The following SLC12A4 variants were observed in gnomAD, a reference collection of about 807,000 sequenced individuals.
SLC12A4 encodes the protein solute carrier family 12 member 4.
In SLC12A4, 84 loss-of-function variants were observed where a neutral mutation model predicts 119.2. The observed-to-expected ratio is 0.70, with a 90% CI of 0.59 to 0.85. The LOEUF is 0.85. Ranked by LOEUF, SLC12A4 falls within the 40% of genes least tolerant of loss-of-function variation. The pLI is 0.00. For synonymous variants in SLC12A4, 599 were observed against 604.6 expected, an observed-to-expected ratio of 0.99 and a Z score of 0.14; for missense variants, 1,298 against 1,476.3, an observed-to-expected ratio of 0.88 and a Z score of 1.98.
rs780438132 is a variant in SLC12A4, at chr16:67,944,838, G to C, written c.*2C>G. The C allele has an allele frequency of 9.9e-6, 16 of 1,612,838 alleles. No homozygotes were observed. Among genetic ancestry groups the C allele is most frequent in the Non-Finnish European group, 1.4e-5 (16 of 1,179,946 alleles). ...ACTCCAGGCCACAAGATGACACTGG[G>C]CTCAGGAGTAGATGGTGATGACTTC... On this transcript the variant is annotated 3_prime_UTR_variant, in exon 24 of 24. Coordinates refer to ENST00000316341, the MANE Select transcript of SLC12A4 (RefSeq NM_005072.5). The surrounding 1 kb of genome is among the most constrained non-coding windows in gnomAD (Gnocchi z 6.6).
intron 5 of SLC12A4, among the ~76,000 whole-genome samples, chr16:67,955,932 T>G (rs1346826028): frequency 6.6e-6 from 1 of 151,300 alleles, no homozygotes; most frequent in African/African-American, 2.4e-5. Context: ...ATCCCAGCAC[T>G]TTGGGAGGCT....
At position 67,952,299 on chromosome 16, in the gene SLC12A4, C is replaced by T; in HGVS notation, c.802G>A (p.Val268Met). ...AATTTGTTCACATACTTGACCCCCA[C>T]AAACACCACCAGGGTCATGAAGGTC... ...FLTFMTLVVF[V>M]GVKYVNKFAS... Residue 268 changes from valine (V) to methionine (M), a missense_variant, in exon 7 of 24, where the codon GTG (valine) becomes ATG (methionine). Physicochemically the swap from Val to Met is conservative, Grantham distance 21. Transcript: ENST00000316341. 1 of 1,614,134 alleles carries T rather than the reference C, an allele frequency of 6.2e-7. No homozygotes were observed. Among genetic ancestry groups the T allele is most frequent in the Non-Finnish European group, 8.5e-7 (1 of 1,180,034 alleles).
Position 67,968,561 on chromosome 16 carries a change from G to T in SLC12A4, c.-8C>A. 2 of 1,501,088 alleles carry T rather than the reference G, an allele frequency of 1.3e-6. No individual in the cohort carries two copies. The highest frequency in any genetic ancestry group is 8.9e-7 in the Non-Finnish European group (1 of 1,129,590). The allele number at this position is 1,501,088 out of a possible 1,614,324, so 93.0% of individuals were successfully genotyped here. ...CACGGTGAAGTGAGGCATCGTGCGG[G>T]CTCGGCCCCGCCGCACCCGCCGTCC... On this transcript the variant is annotated 5_prime_UTR_variant, in exon 1 of 24. Coordinates refer to ENST00000316341, the MANE Select transcript of SLC12A4 (RefSeq NM_005072.5).
In SLC12A4 at chr16:67,945,980, G is replaced by A; in HGVS notation, c.2710C>T (p.Leu904Phe). 1 of 1,613,946 alleles carries A rather than the reference G, an allele frequency of 6.2e-7. No homozygotes were observed. Among genetic ancestry groups the A allele is most frequent in the Non-Finnish European group, 8.5e-7 (1 of 1,179,888 alleles). ...TCCACCACCTCCACCTCGGCCTCAAGGCGCAGATGGTACAGAAAGACAGCC... is the reference window on the plus strand; with the variant it reads ...TCCACCACCTCCACCTCGGCCTCAAAGCGCAGATGGTACAGAAAGACAGCC... ...DLAVFLYHLRLEAEVEVVEMH... is the reference protein window; with the variant it reads ...DLAVFLYHLRFEAEVEVVEMH... Residue 904 changes from leucine to phenylalanine, a missense_variant, in exon 20 of 24, where the codon CTT becomes TTT. Physicochemically the swap from Leu to Phe is conservative, Grantham distance 22. Transcript: ENST00000316341.
intron 14 of SLC12A4, 29 bp downstream of exon 14, chr16:67,948,032 G>A (rs1454462577): frequency 1.2e-6 from 2 of 1,607,942 alleles, no homozygotes; most frequent in South Asian, 2.2e-5. Context: ...GGCCTCCCCA[G>A]GGTCTCCCGT....
intron 1 of SLC12A4, among the ~76,000 whole-genome samples, chr16:67,964,738 C>T (rs2030782473): frequency 6.6e-6 from 1 of 152,170 alleles, no homozygotes; most frequent in African/African-American, 2.4e-5. Context: ...ACTGGCCATG[C>T]CCGCCAACCT....
In SLC12A4 at chr16:67,944,626, T is replaced by C. The variant is rs2058319503; in HGVS notation, c.*214A>G. 6 of 1,409,532 alleles carry C rather than the reference T, an allele frequency of 4.3e-6. No individual in the cohort carries two copies. Among genetic ancestry groups the C allele is most frequent in the Admixed American group, 3.0e-5 (1 of 33,690 alleles). 87.3% of individuals were successfully genotyped at this position (1,409,532 alleles called of 1,614,324 possible). A position where few individuals can be genotyped will look rare whatever the true frequency, so the allele number is the denominator to read the frequency against. ...CCTACTGGGGTGCTAGATAGTAAAG[T>C]CCCCAAACATCCCAGGGTCCCACAA... On this transcript the variant is annotated 3_prime_UTR_variant, in exon 24 of 24. Coordinates refer to ENST00000316341, the MANE Select transcript of SLC12A4 (RefSeq NM_005072.5). This position sits in a 1 kb window ranked among gnomAD's most constrained non-coding sequence, Gnocchi z 6.6.
chr16:67,947,545 G>A, intron 15 of SLC12A4, 110 bp from the exon 16 acceptor site: 1 of 1,495,260 alleles, frequency 6.7e-7, no homozygotes, highest in Non-Finnish European at 9.1e-7. Flanking sequence ...GGGGTCCTGA[G>A]TTACAGTCCC....
chr16:67,946,214 C>T lies in SLC12A4; in HGVS notation c.2564G>A (p.Gly855Asp). 1 of 1,613,944 alleles carries T rather than the reference C, an allele frequency of 6.2e-7. No individual in the cohort carries two copies. Among genetic ancestry groups the T allele is most frequent in the Non-Finnish European group, 8.5e-7 (1 of 1,180,030 alleles). Reference sequence around the variant, plus strand: ...GAAGGGCAGAAGCATGAGCATGCCACCATCGTGCACGATCCACCACACGTC... The same window carrying T: ...GAAGGGCAGAAGCATGAGCATGCCATCATCGTGCACGATCCACCACACGTC... Reference protein sequence around the residue: ...HIDVWWIVHDGGMLMLLPFLL... With the variant: ...HIDVWWIVHDDGMLMLLPFLL... The change falls in exon 19 of 24, where the codon GGT becomes GAT. Residue 855 changes from glycine (G) to aspartate (D), a missense_variant. Transcript: ENST00000316341.
chr16:67,950,743 G>A lies in SLC12A4; in HGVS notation c.1397-32C>T. 1 of 1,587,324 alleles carries A rather than the reference G, an allele frequency of 6.3e-7. No homozygotes were observed. The highest frequency in any genetic ancestry group is 1.1e-5 in the South Asian group (1 of 87,608). On this transcript the variant is annotated intron_variant, in intron 10 of 23. Coordinates refer to ENST00000316341, the MANE Select transcript of SLC12A4 (RefSeq NM_005072.5). The surrounding 1 kb of genome is among the most constrained non-coding windows in gnomAD (Gnocchi z 4.3). ...CGGCGTCAAGGAAAACTCGGCCTCTGCCACCCCACTGTCCCTGAATAGTAC... is the reference window on the plus strand; with the variant it reads ...CGGCGTCAAGGAAAACTCGGCCTCTACCACCCCACTGTCCCTGAATAGTAC...
intron 22 of SLC12A4, 30 bp from the exon 23 acceptor site, chr16:67,945,250 C>T (rs753459850): frequency 2.6e-6 from 4 of 1,552,640 alleles, no homozygotes; most frequent in Non-Finnish European, 3.5e-6. Flanking sequence ...TCACAGGTCG[C>T]CATGAGCCAT....
Position 67,947,704 on chromosome 16 carries a change from G to A in SLC12A4, c.1932C>T (p.Ile644=), listed in dbSNP as rs563077395. The A allele has an allele frequency of 6.9e-6, 11 of 1,597,098 alleles. No homozygotes were observed. Among genetic ancestry groups the A allele is most frequent in the South Asian group, 5.7e-5 (5 of 88,458 alleles). ...SWYYALVAML[I]AGMIYKYIEY... ...CGATGTATTTGTAGATCATGCCGGC[G>A]ATGAGCATGGCCACCAGGGCATAGT... Residue 644 remains isoleucine, a synonymous_variant, in exon 15 of 24, where the codon ATC becomes ATT. Coordinates refer to ENST00000316341, the MANE Select transcript of SLC12A4 (RefSeq NM_005072.5).
Position 67,943,628 on chromosome 16 carries a change from G to A in SLC12A4, c.*1212C>T. On this transcript the variant is annotated 3_prime_UTR_variant, in exon 24 of 24. Coordinates refer to ENST00000316341, the MANE Select transcript of SLC12A4 (RefSeq NM_005072.5). The surrounding 1 kb of genome is among the most constrained non-coding windows in gnomAD (Gnocchi z 4.6). ...CTTGTCCTTGGTGGGTGGGGGCCAA[G>A]GAAGGAGTGGTGGGGCTTGGCCCAG... The A allele has an allele frequency of 5.8e-6, 3 of 516,152 alleles. No homozygotes were observed. Among genetic ancestry groups the A allele is most frequent in the South Asian group, 2.2e-5 (1 of 44,456 alleles). 32.0% of individuals were successfully genotyped at this position (516,152 alleles called of 1,614,324 possible).
Position 67,944,799 on chromosome 16 carries a change from T to TG in SLC12A4, c.*40dup. The TG allele has an allele frequency of 6.2e-7, 1 of 1,607,004 alleles. No homozygotes were observed. The highest frequency in any genetic ancestry group is 8.5e-7 in the Non-Finnish European group (1 of 1,178,244). On this transcript the variant is annotated 3_prime_UTR_variant, in exon 24 of 24. Transcript: ENST00000316341. The surrounding 1 kb of genome is among the most constrained non-coding windows in gnomAD (Gnocchi z 6.6). ...CCCCAGACCACAGCTTGTTATGTCC[T>TG]GGCCAAGACCTCGACTCCAGGCCAC...
chr16:67,967,601 G>C (rs909281651), intron 1 of SLC12A4, among the ~76,000 whole-genome samples: 5 of 152,176 alleles, frequency 3.3e-5, no homozygotes, highest in African/African-American at 1.2e-4. Flanking sequence ...TGGGGTAGGA[G>C]ATAGAGAAAG....
intron 1 of SLC12A4, 67 bp downstream of exon 1, chr16:67,968,372 C>T: frequency 7.1e-7 from 1 of 1,406,962 alleles, no homozygotes; most frequent in Non-Finnish European, 9.4e-7. Context: ...CGGGCGCGGG[C>T]CCGGGATGGC....
Position 67,968,584 on chromosome 16 carries a change from T to C in SLC12A4, c.-31A>G. 1 of 1,468,538 alleles carries C rather than the reference T, an allele frequency of 6.8e-7. No individual in the cohort carries two copies. Among genetic ancestry groups the C allele is most frequent in the Non-Finnish European group, 9.0e-7 (1 of 1,112,764 alleles). 91.0% of individuals were successfully genotyped at this position (1,468,538 alleles called of 1,614,324 possible). A position where few individuals can be genotyped will look rare whatever the true frequency, so the allele number is the denominator to read the frequency against. On this transcript the variant is annotated 5_prime_UTR_variant, in exon 1 of 24. Transcript: ENST00000316341. ...GGGCTCGGCCCCGCCGCACCCGCCG[T>C]CCCAGCCGCCCGCCGCTGTCCCCGC... is the stretch of plus-strand genomic sequence containing the variant.
chr16:67,957,938 ACACCTGCTGTGCCCACCATCCAGGT>A lies in SLC12A4; in HGVS notation c.424_448del (p.Thr142CysfsTer17). 6.2e-7 allele frequency: 1 copy of A among 1,614,202 alleles called. No homozygotes were observed. The highest frequency in any genetic ancestry group is 1.1e-5 in the South Asian group (1 of 91,086). ...AAGCACGATGAGGAGGGCCTGTAGCACACCTGCTGTGCCCACCATCCAGGTCAGCCGCAGGAAGAGGATAACCCCA... is the reference window on the plus strand; with the variant it reads ...AAGCACGATGAGGAGGGCCTGTAGCACAGCCGCAGGAAGAGGATAACCCCA... On this transcript the variant is annotated frameshift_variant, in exon 4 of 24. Transcript: ENST00000316341. LOFTEE classifies it high-confidence loss of function.
chr16:67,945,026 C>T lies in SLC12A4; in HGVS notation c.3166+61G>A, dbSNP rs190617587. 56 of 1,596,424 alleles carry T rather than the reference C, an allele frequency of 3.5e-5. 1 individual carries two copies. Among genetic ancestry groups the T allele is most frequent in the African/African-American group, 5.4e-5 (4 of 74,370 alleles). On this transcript the variant is annotated intron_variant, in intron 23 of 23. Coordinates refer to ENST00000316341, the MANE Select transcript of SLC12A4 (RefSeq NM_005072.5). ...ACCCAGGGGTGCCCAGGAGAGAAGCCGCTGGCTTGACCTCCCATGCTATCC... is the reference window on the plus strand; with the variant it reads ...ACCCAGGGGTGCCCAGGAGAGAAGCTGCTGGCTTGACCTCCCATGCTATCC...
Sources: gnomAD v4.1 joint callset for allele counts (sites outside exome capture counted in the v4.1 genomes callset) on GRCh38, gnomAD v4.1.1 for gene constraint, Gnocchi (gnomAD v3.1) non-coding constraint, MANE v1.5 for transcripts, NCBI Gene and HGNC (gene_info 2026-07-23, HGNC 2026-07-21) for gene names.